SI: variants seen among roughly 807,000 people sequenced by gnomAD.
The protein encoded by SI is sucrase-isomaltase, intestinal.
SI carries 235 observed loss-of-function variants against 253.3 expected under a neutral mutation model. The observed-to-expected ratio is 0.93, with a 90% CI of 0.83 to 1.03. The LOEUF (loss-of-function observed/expected upper bound fraction) is 1.03. SI is among the 50% of genes least tolerant of loss of function. The pLI is 0.00. For synonymous variants in SI, 819 were observed against 712.0 expected (o/e 1.15, Z -2.39); for missense variants, 2,442 against 2,211.1 (o/e 1.10, Z -2.09).
At chr3:165,021,176 C>T in intron 27 of SI, 53 bp downstream of exon 27, 1 of 1,532,344 alleles carries the variant, frequency 6.5e-7, no homozygotes. Flanking sequence ...TTACTTTTCC[C>T]TTCGTAAGCT....
chr3:165,063,531 T>G lies in SI; in HGVS notation c.818A>C (p.Asn273Thr), dbSNP rs1576918303. Residue 273 changes from asparagine to threonine, a missense_variant, in exon 8 of 48, where the codon AAT (asparagine) becomes ACT (threonine). Coordinates refer to ENST00000264382, the MANE Select transcript of SI (RefSeq NM_001041.4). ...RDQLPGDNNN[N>T]LYGHQTFFMC... ...AAAGAATGTTTGATGGCCGTATAAA[T>G]TATTATTATTCTATAAGGCAAGAAT... 1 of 1,435,214 alleles carries G rather than the reference T, an allele frequency of 7.0e-7. No homozygotes were observed. The highest frequency in any genetic ancestry group is 2.3e-5 in the East Asian group (1 of 43,396). 88.9% of individuals were successfully genotyped at this position (1,435,214 alleles called of 1,614,324 possible). A position where few individuals can be genotyped will look rare whatever the true frequency, so the allele number is the denominator to read the frequency against.
Position 165,066,728 on chromosome 3 carries a change from T to A in SI, c.635+612A>T, listed in dbSNP as rs1576920187. 2.0e-5 allele frequency among the ~76,000 whole-genome samples: 3 copies of A among 151,970 alleles called. No individual in the cohort carries two copies. In the East Asian group the frequency reaches 5.8e-4, roughly 29 times the overall value. Reference sequence around the variant, plus strand: ...TTTCACATGGCATTTAATATTTTTATGATTTAACACAAAGTCATAAACAAA... The same window carrying A: ...TTTCACATGGCATTTAATATTTTTAAGATTTAACACAAAGTCATAAACAAA... On this transcript the variant is annotated intron_variant, in intron 6 of 47. Coordinates refer to ENST00000264382, the MANE Select transcript of SI (RefSeq NM_001041.4).
chr3:165,047,002 T>A lies in SI; in HGVS notation c.1726A>T (p.Lys576Ter). 5.0e-6 allele frequency: 8 copies of A among 1,603,600 alleles called. No homozygotes were observed. Among genetic ancestry groups the A allele is most frequent in the Non-Finnish European group, 6.8e-6 (8 of 1,173,738 alleles). The change falls in exon 16 of 48, where the codon AAA becomes TAA. Residue 576 changes from lysine to a stop codon, truncating the protein, a stop_gained. Coordinates refer to ENST00000264382, the MANE Select transcript of SI (RefSeq NM_001041.4). LOFTEE classifies it high-confidence loss of function. ...AAGCTTCTCTTATTAGGAAAAACTT[T>A]TTGTACAGCTCTAAAAATAAAACCA... The part of the protein sequence containing the change: ...MAIATEQAVQ[K>*]VFPNKRSFIL...
rs1160507701 is a variant in SI at position 165,030,700 on chromosome 3, AATT to A, written c.2892+9_2892+11del. On this transcript the variant is annotated intron_variant, in intron 25 of 47. Transcript: ENST00000264382. ...TAACCATATCATGAGTAATAGTTAA[AATT>A]ATTATTACCGTTCTCCATACACAGC... 4.4e-6 allele frequency: 7 copies of A among 1,606,652 alleles called. No individual in the cohort carries two copies. In the East Asian group the frequency reaches 9.0e-5, roughly 21 times the overall value.
At chr3:165,070,542 C>A (rs1287907160) in intron 3 of SI, among the ~76,000 whole-genome samples, 1 of 151,020 alleles carries the variant, frequency 6.6e-6, no homozygotes, top group Non-Finnish European at 1.5e-5. Context: ...AAATACCTAG[C>A]AATACAAAGA....
At chr3:165,068,962 G>A (rs1714401917) in intron 4 of SI, 116 bp downstream of exon 4, 1 of 1,018,070 alleles carries the variant, frequency 9.8e-7, no homozygotes, top group Non-Finnish European at 1.5e-6. Flanking sequence ...CAAAAATAAG[G>A]AATTTGAACA....
chr3:165,018,873 A>C (rs1177775687), intron 28 of SI, among the ~76,000 whole-genome samples: 1 of 151,770 alleles, frequency 6.6e-6, no homozygotes, highest in Non-Finnish European at 1.5e-5. Context: ...GAGTATTATG[A>C]TATAAATGCA....
the SI span, among the ~76,000 whole-genome samples, chr3:165,085,725 T>A: frequency 6.6e-6 from 1 of 152,188 alleles, no homozygotes; most frequent in Non-Finnish European, 1.5e-5. Context: ...TTTATTAAAC[T>A]TTTTATGAAT....
chr3:165,048,784 GA>G (rs1713271566), intron 15 of SI, among the ~76,000 whole-genome samples: 1 of 151,520 alleles, frequency 6.6e-6, no homozygotes, highest in African/African-American at 2.4e-5. Flanking sequence ...CGCCCAGCTA[GA>G]TTTGTACTTT....
intron 12 of SI, among the ~76,000 whole-genome samples, chr3:165,056,510 G>T (rs1195600779): frequency 3.9e-5 from 6 of 152,110 alleles, no homozygotes; most frequent in Admixed American, 3.9e-4. Flanking sequence ...CATTGAAGAG[G>T]GTAGGAAAGA....
chr3:165,014,496 G>C (rs181254942), intron 33 of SI, among the ~76,000 whole-genome samples: 1 of 151,982 alleles, frequency 6.6e-6, no homozygotes, highest in African/African-American at 2.4e-5. Context: ...TGATCCGCCC[G>C]CCTTGGCCTC....
intron 17 of SI, 103 bp from the exon 18 acceptor site, chr3:165,041,197 A>G: frequency 1.0e-6 from 1 of 998,444 alleles, no homozygotes; most frequent in Non-Finnish European, 1.6e-6. Flanking sequence ...CATAAATTTC[A>G]GCTTGTTTAT....
At chr3:165,057,701 G>GAC (rs1553777163) in intron 12 of SI, among the ~76,000 whole-genome samples, 1 of 123,844 alleles carries the variant, frequency 8.1e-6, no homozygotes, top group Non-Finnish European at 1.8e-5. Context: ...ATGCTGTAGA[G>GAC]AAAAAAAAAA....
chr3:165,007,816 T>C (rs2108156806), intron 36 of SI, 95 bp downstream of exon 36: 1 of 429,756 alleles, frequency 2.3e-6, no homozygotes, highest in Admixed American at 3.2e-5. Context: ...ATATATTCTA[T>C]GTATAGCTAA....
chr3:165,009,042 T>A (rs1718648573), intron 35 of SI, among the ~76,000 whole-genome samples: 2 of 152,176 alleles, frequency 1.3e-5, no homozygotes, highest in Admixed American at 1.3e-4. Flanking sequence ...ATATAGAATA[T>A]TTTGCTTTTT....
In SI at chr3:165,009,812, C is replaced by G. The variant is rs561692038; in HGVS notation, c.4063-417G>C. On this transcript the variant is annotated intron_variant, in intron 34 of 47. Transcript: ENST00000264382. ...GCTTTCTCATTTCCCAGAACCATCT[C>G]ACCACCCTCATCAACTGCTTCTTTT... Among the ~76,000 whole-genome samples the G allele has an allele frequency of 2.0e-5, 3 of 152,212 alleles. 1 individual carries two copies. The South Asian group carries it at 6.2e-4, about 32-fold the overall frequency.
chr3:165,063,297 A>T, intron 8 of SI, 145 bp downstream of exon 8: 1 of 464,118 alleles, frequency 2.2e-6, no homozygotes, highest in Non-Finnish European at 3.9e-6. Flanking sequence ...TTTAATTTCA[A>T]AATCTTCTTA....
chr3:164,982,676 A>C (rs1177531671), intron 46 of SI, among the ~76,000 whole-genome samples: 1 of 152,046 alleles, frequency 6.6e-6, no homozygotes, highest in Non-Finnish European at 1.5e-5. Flanking sequence ...TATGCAAGAG[A>C]AGGGGAGGTG....
chr3:165,049,537 A>G (rs912138906), intron 14 of SI, among the ~76,000 whole-genome samples: 2 of 152,130 alleles, frequency 1.3e-5, no homozygotes, highest in Admixed American at 6.6e-5. Context: ...TTAACAATAT[A>G]GAAATATACC....
Sources: allele counts gnomAD v4.1 joint callset (sites outside exome capture counted in the v4.1 genomes callset), GRCh38; gene constraint gnomAD v4.1.1; transcripts MANE v1.5; gene names NCBI Gene and HGNC (gene_info 2026-07-23, HGNC 2026-07-21).